The following FBXO16 variants were observed in gnomAD, a reference collection of about 807,000 sequenced individuals.
FBXO16 encodes F-box only protein 16.
In FBXO16, 31 loss-of-function variants were observed where a neutral mutation model predicts 41.0. The observed-to-expected ratio is 0.76, with a 90% CI of 0.57 to 1.02. The LOEUF (loss-of-function observed/expected upper bound fraction) is 1.02, where lower values mean the gene tolerates loss of function less well. Ranked by LOEUF, FBXO16 falls within the 50% of genes least tolerant of loss-of-function variation. The probability of loss-of-function intolerance (pLI) is 0.00; values close to 1 mark genes in which losing one functional copy is unlikely to be tolerated. For missense variants in FBXO16, 361 were observed against 346.2 expected (o/e 1.04, Z -0.34); for synonymous variants, 133 against 117.8 (o/e 1.13, Z -0.84).
chr8:28,470,251 CAT>C (rs1008551797), intron 3 of FBXO16, among the ~76,000 whole-genome samples: 2 of 152,016 alleles, frequency 1.3e-5, no homozygotes, highest in East Asian at 1.9e-4. Flanking sequence ...TGTAGCCACA[CAT>C]GTCCTGATAT....
At chr8:28,441,924 G>A (rs1285810811) in intron 7 of FBXO16, among the ~76,000 whole-genome samples, 2 of 121,866 alleles carry the variant, frequency 1.6e-5, no homozygotes, top group African/African-American at 1.0e-4. Flanking sequence ...GTGTGTGTGT[G>A]TGTGTGTGTG....
chr8:28,445,192 G>A (rs1802844715), intron 7 of FBXO16, among the ~76,000 whole-genome samples: 2 of 152,098 alleles, frequency 1.3e-5, no homozygotes, highest in South Asian at 4.1e-4. Flanking sequence ...CACAAGAATA[G>A]ACAGATACAA....
Position 28,470,722 on chromosome 8 carries a change from CTTG to C in FBXO16, c.135+3047_135+3049del, listed in dbSNP as rs1245138440. Among the ~76,000 whole-genome samples, 4 of 152,228 alleles carry C rather than the reference CTTG, an allele frequency of 2.6e-5. No homozygotes were observed. In the East Asian group the frequency reaches 5.8e-4, roughly 22 times the overall value. On this transcript the variant is annotated intron_variant, in intron 3 of 8. Coordinates refer to ENST00000380254, the MANE Select transcript of FBXO16 (RefSeq NM_172366.4). ...GGTAAAATTGAGCATATTTTATATG[CTTG>C]TTGTTCATTTTTTATAATATTCTTC...
rs573452336 is a variant in FBXO16, at chr8:28,432,205, G to A, written c.844-2802C>T. Among the ~76,000 whole-genome samples, 4 of 151,576 alleles carry A rather than the reference G, an allele frequency of 2.6e-5. No homozygotes were observed. The South Asian group carries it at 8.3e-4, about 32-fold the overall frequency. On this transcript the variant is annotated intron_variant, in intron 7 of 8. Transcript: ENST00000380254. The stretch of plus-strand genomic sequence containing the variant: ...ATCAATACACGAGGCCGGGTGCAGT[G>A]GCTCACGCCTGTAATCCCAGCACTT...
At chr8:28,447,440 A>G (rs1386333324) in intron 6 of FBXO16, 167 bp from the exon 7 acceptor site, 2 of 580,778 alleles carry the variant, frequency 3.4e-6, no homozygotes, top group African/African-American at 1.9e-5. Flanking sequence ...GGTTGCATCA[A>G]CTCCTGCATC....
At chr8:28,460,423 ATTT>A (rs1174276709) in intron 4 of FBXO16, among the ~76,000 whole-genome samples, 4 of 82,512 alleles carry the variant, frequency 4.8e-5, no homozygotes, top group African/African-American at 6.3e-5. Context: ...TACCTGGCTA[ATTT>A]TTTTTTTTTT....
At chr8:28,440,517 A>G (rs1271161759) in intron 7 of FBXO16, among the ~76,000 whole-genome samples, 1 of 152,212 alleles carries the variant, frequency 6.6e-6, no homozygotes, top group Non-Finnish European at 1.5e-5. Flanking sequence ...TTCATTCCAC[A>G]ATATGATCCA....
At chr8:28,446,910 GT>G in intron 7 of FBXO16, 1 of 290,372 alleles carries the variant, frequency 3.4e-6, no homozygotes, top group Non-Finnish European at 6.4e-6. Context: ...ATATCATACA[GT>G]TTTCAAAGCA....
chr8:28,434,647 C>T (rs1802660011), intron 7 of FBXO16, among the ~76,000 whole-genome samples: 2 of 152,246 alleles, frequency 1.3e-5, no homozygotes, highest in Admixed American at 6.5e-5. Context: ...AAATCTCCCT[C>T]TCAACGTTTT....
At chr8:28,486,964 A>G (rs191883122) in intron 1 of FBXO16, among the ~76,000 whole-genome samples, 2 of 152,128 alleles carry the variant, frequency 1.3e-5, no homozygotes, top group East Asian at 3.9e-4. Context: ...ATACACGCAA[A>G]ATTTTGCTTA....
intron 6 of FBXO16, among the ~76,000 whole-genome samples, chr8:28,450,147 G>A (rs1802930443): frequency 6.6e-6 from 1 of 152,028 alleles, no homozygotes. Flanking sequence ...AGAATAAGGA[G>A]CCCAGAGTTA....
rs1383661926 is a variant in FBXO16, at chr8:28,456,837, G to C, written c.436C>G (p.Pro146Ala). The change falls in exon 5 of 9, where the codon CCC (proline) becomes GCC (alanine). Residue 146 changes from proline to alanine, a missense_variant. Physicochemically the swap from Pro to Ala is conservative, Grantham distance 27. Transcript: ENST00000380254. ...FNWYINFSPT[P>A]FEQGIWKKHY... ...TTCTTCCAGATCCCCTGCTCAAAGG[G>C]AGTTGGAGAGAAATTGATGTACCAG... The C allele has an allele frequency of 1.9e-6, 3 of 1,614,082 alleles. No individual in the cohort carries two copies. Among genetic ancestry groups the C allele is most frequent in the Non-Finnish European group, 2.5e-6 (3 of 1,180,010 alleles).
At chr8:28,466,468 C>G (rs910495673) in intron 3 of FBXO16, among the ~76,000 whole-genome samples, 6 of 151,944 alleles carry the variant, frequency 3.9e-5, no homozygotes, top group Admixed American at 2.6e-4. Flanking sequence ...AGCCCCGTTT[C>G]TATACAAGCC....
intron 1 of FBXO16, 44 bp from the exon 2 acceptor site, chr8:28,483,506 T>C: frequency 6.8e-7 from 1 of 1,471,556 alleles, no homozygotes. Context: ...GTGAATCATA[T>C]AACCCTCAGA....
chr8:28,450,334 A>ACCTAAACT (rs1300653189), intron 6 of FBXO16, among the ~76,000 whole-genome samples: 2 of 152,192 alleles, frequency 1.3e-5, no homozygotes, highest in African/African-American at 4.8e-5. Flanking sequence ...TGGGTCAAAG[A>ACCTAAACT]CCTAAACTGC....
At chr8:28,469,037 G>A (rs1333312487) in intron 3 of FBXO16, among the ~76,000 whole-genome samples, 2 of 152,074 alleles carry the variant, frequency 1.3e-5, no homozygotes, top group East Asian at 3.9e-4. Context: ...GGCCGGGCAT[G>A]GTGGCTTATG....
At chr8:28,451,877 G>C (rs980607243) in intron 6 of FBXO16, among the ~76,000 whole-genome samples, 1 of 151,842 alleles carries the variant, frequency 6.6e-6, no homozygotes, top group African/African-American at 2.4e-5. Context: ...CCAGCTACTT[G>C]GTAGGCTGAA....
At chr8:28,483,062 A>G (rs892660752) in intron 2 of FBXO16, among the ~76,000 whole-genome samples, 2 of 152,168 alleles carry the variant, frequency 1.3e-5, no homozygotes, top group Non-Finnish European at 2.9e-5. Context: ...CCAGGGGAGA[A>G]CAAGTGATGG....
At chr8:28,432,899 A>G (rs544995067) in intron 7 of FBXO16, among the ~76,000 whole-genome samples, 292 of 152,140 alleles carry the variant, frequency 1.9e-3, no homozygotes, top group African/African-American at 6.8e-3. Context: ...TCTACTAAAA[A>G]TACCAAAGAA....
Sources: allele counts gnomAD v4.1 joint callset (sites outside exome capture counted in the v4.1 genomes callset), GRCh38; gene constraint gnomAD v4.1.1; transcripts MANE v1.5; gene names NCBI Gene and HGNC (gene_info 2026-07-23, HGNC 2026-07-21).